CSMD1: variants seen among roughly 807,000 people sequenced by gnomAD.
CSMD1 encodes CUB and Sushi multiple domains 1, also known as CUB and sushi domain-containing protein 1.
CSMD1 carries 213 observed loss-of-function variants against 417.5 expected under a neutral mutation model. The observed-to-expected ratio is 0.51, with a 90% confidence interval of 0.46 to 0.57. The LOEUF (loss-of-function observed/expected upper bound fraction) is 0.57. Among genes scored for constraint, CSMD1 ranks in the 20% least tolerant of loss-of-function variants. The pLI is 0.00. For synonymous variants in CSMD1, 2,862 were observed against 1,736.8 expected, an observed-to-expected ratio of 1.65 and a Z score of -16.11; for missense variants, 6,923 against 4,529.7, an observed-to-expected ratio of 1.53 and a Z score of -15.17.
At position 3,396,296 on chromosome 8, in the gene CSMD1, T is replaced by C. The variant is rs1811694740; in HGVS notation, c.2491A>G (p.Thr831Ala). The C allele has an allele frequency of 1.9e-6, 3 of 1,604,762 alleles. No individual in the cohort carries two copies. Among genetic ancestry groups the C allele is most frequent in the Non-Finnish European group, 2.6e-6 (3 of 1,175,582 alleles). The change falls in exon 17 of 70, where the codon ACC (threonine) becomes GCC (alanine). Residue 831 changes from threonine to alanine, a missense_variant. Physicochemically the swap from Thr to Ala is moderately conservative, Grantham distance 58. Coordinates refer to ENST00000635120, the MANE Select transcript of CSMD1 (RefSeq NM_033225.6). ...SSPLIGEYHG[T>A]QAPQFLISTG... The stretch of plus-strand genomic sequence containing the variant: ...CTGATGAGGAACTGGGGTGCCTGGG[T>C]GCCGTGGTACTCGCCGATCAGTGGG...
intron 20 of CSMD1, among the ~76,000 whole-genome samples, chr8:3,361,082 G>C (rs189564993): frequency 2.4e-4 from 36 of 152,170 alleles, no homozygotes; most frequent in African/African-American, 6.5e-4. Context: ...TGATAACCTT[G>C]AGATATACTT....
At chr8:3,189,812 G>C in intron 34 of CSMD1, 100 bp downstream of exon 34, 1 of 1,103,620 alleles carries the variant, frequency 9.1e-7, no homozygotes, top group South Asian at 1.5e-5. Context: ...AATGGGTCAT[G>C]AGCCAGATGG....
chr8:4,538,914 A>T (rs1408604635), intron 2 of CSMD1, among the ~76,000 whole-genome samples: 2 of 152,164 alleles, frequency 1.3e-5, no homozygotes, highest in Admixed American at 1.3e-4. Context: ...CTTTGAATCT[A>T]AAAGCCCATA....
chr8:4,266,241 C>A lies in CSMD1; in HGVS notation c.415+153712G>T, dbSNP rs532583234. ...AGTGGAATGGTAACACATTTCCATA[C>A]AACTCATTTAAAAATTTAATACCAA... On this transcript the variant is annotated intron_variant, in intron 3 of 69. Transcript: ENST00000635120. Among the ~76,000 whole-genome samples the A allele has an allele frequency of 4.9e-3, 511 of 104,904 alleles. 75 individuals are homozygous for A. The highest frequency in any genetic ancestry group is 0.013 in the African/African-American group (489 of 38,448). The allele number at this position is 104,904 out of a possible 152,430, so 68.8% of individuals were successfully genotyped here. A position where few individuals can be genotyped will look rare whatever the true frequency, so the allele number is the denominator to read the frequency against.
chr8:3,568,397 A>T (rs574998301), intron 10 of CSMD1, among the ~76,000 whole-genome samples: 2 of 152,328 alleles, frequency 1.3e-5, no homozygotes, highest in Non-Finnish European at 2.9e-5. Context: ...TCAATTATAC[A>T]TCAATAAAGC....
intron 25 of CSMD1, among the ~76,000 whole-genome samples, chr8:3,285,588 G>A (rs1333691611): frequency 6.6e-6 from 1 of 151,736 alleles, no homozygotes; most frequent in Non-Finnish European, 1.5e-5. Flanking sequence ...TAGTAGACAT[G>A]GGGTTTCACC....
chr8:4,071,618 T>A (rs1799562798), intron 3 of CSMD1, among the ~76,000 whole-genome samples: 1 of 152,208 alleles, frequency 6.6e-6, no homozygotes, highest in Admixed American at 6.5e-5. Context: ...CTTTTAGTTT[T>A]TAATTCTTTA....
intron 23 of CSMD1, among the ~76,000 whole-genome samples, chr8:3,336,914 G>T (rs1203384192): frequency 6.6e-6 from 1 of 152,066 alleles, no homozygotes. Context: ...CAAAACACAG[G>T]TCTTGTAATA....
At chr8:3,591,173 A>G (rs1336262703) in intron 8 of CSMD1, among the ~76,000 whole-genome samples, 2 of 152,200 alleles carry the variant, frequency 1.3e-5, no homozygotes, top group East Asian at 1.9e-4. Flanking sequence ...ATCAAGATAC[A>G]TGGTACATTG....
intron 2 of CSMD1, among the ~76,000 whole-genome samples, chr8:4,564,740 G>C (rs1214487321): frequency 6.6e-6 from 1 of 152,162 alleles, no homozygotes; most frequent in East Asian, 1.9e-4. Context: ...TGATGGATCT[G>C]AACATGGAGC....
intron 1 of CSMD1, among the ~76,000 whole-genome samples, chr8:4,876,020 T>C (rs1803017963): frequency 1.3e-5 from 2 of 152,064 alleles, no homozygotes; most frequent in Non-Finnish European, 2.9e-5. Flanking sequence ...AAAGTTAGAA[T>C]TTTAGTAAGG....
chr8:4,735,743 G>T (rs186369444), intron 1 of CSMD1, among the ~76,000 whole-genome samples: 2 of 152,154 alleles, frequency 1.3e-5, no homozygotes, highest in Admixed American at 6.5e-5. Flanking sequence ...AAGAGAAAAG[G>T]ACTGTTAGTC....
intron 11 of CSMD1, among the ~76,000 whole-genome samples, chr8:3,474,033 T>C (rs1037528652): frequency 1.1e-4 from 16 of 151,856 alleles, no homozygotes; most frequent in African/African-American, 3.9e-4. Context: ...GCCCCCATGA[T>C]CCAAACACCT....
chr8:3,774,168 T>A (rs1308117003), intron 5 of CSMD1, among the ~76,000 whole-genome samples: 1 of 152,142 alleles, frequency 6.6e-6, no homozygotes, highest in Non-Finnish European at 1.5e-5. Flanking sequence ...TCTAAAGCCT[T>A]TTGTGACCTG....
intron 5 of CSMD1, among the ~76,000 whole-genome samples, chr8:3,804,561 G>C (rs953703013): frequency 6.6e-6 from 1 of 152,228 alleles, no homozygotes; most frequent in Admixed American, 6.5e-5. Flanking sequence ...GCAAAATGCA[G>C]TCACAGGTCC....
At chr8:3,308,658 G>T (rs1322979606) in intron 23 of CSMD1, among the ~76,000 whole-genome samples, 155 bp from the exon 24 acceptor site, 1 of 151,132 alleles carries the variant, frequency 6.6e-6, no homozygotes, top group Non-Finnish European at 1.5e-5. Flanking sequence ...AGATGGGTCT[G>T]TACTGGGGCT....
intron 2 of CSMD1, among the ~76,000 whole-genome samples, chr8:4,557,002 A>T (rs747069892): frequency 6.6e-6 from 1 of 152,214 alleles, no homozygotes; most frequent in Non-Finnish European, 1.5e-5. Context: ...AATTTCTAAA[A>T]TTGAGATTAA....
chr8:4,761,279 G>T (rs192483869), intron 1 of CSMD1, among the ~76,000 whole-genome samples: 5 of 152,178 alleles, frequency 3.3e-5, no homozygotes, highest in Non-Finnish European at 5.9e-5. Context: ...AGCATGGTCA[G>T]TGTAAAATGC....
chr8:3,950,068 A>G, intron 5 of CSMD1: 2 of 445,900 alleles, frequency 4.5e-6, no homozygotes, highest in Non-Finnish European at 9.0e-6. Flanking sequence ...CTGAGTTGCC[A>G]GAAAATAAAA....
Sources: gnomAD v4.1 joint callset for allele counts (sites outside exome capture counted in the v4.1 genomes callset) on GRCh38, gnomAD v4.1.1 for gene constraint, MANE v1.5 for transcripts, NCBI Gene and HGNC (gene_info 2026-07-23, HGNC 2026-07-21) for gene names.